Variants in RAD51B observed in about 807,000 individuals in gnomAD.
The protein encoded by RAD51B is DNA repair protein RAD51 homolog 2.
In RAD51B, 38 loss-of-function variants were observed where a neutral mutation model predicts 42.2. The observed-to-expected ratio is 0.90, with a 90% CI of 0.70 to 1.18. RAD51B has a LOEUF of 1.18. RAD51B is among the 50% of genes most tolerant of loss of function. The pLI is 0.00. For missense variants in RAD51B, 373 were observed against 400.7 expected, an observed-to-expected ratio of 0.93 and a Z score of 0.59; for synonymous variants, 154 against 145.2, an observed-to-expected ratio of 1.06 and a Z score of -0.43.
At chr14:68,638,403 G>A (rs1892383955) in intron 10 of RAD51B, among the ~76,000 whole-genome samples, 1 of 152,138 alleles carries the variant, frequency 6.6e-6, no homozygotes, top group Admixed American at 6.5e-5. Flanking sequence ...TTCCAAGCAA[G>A]CTCCAAGACC....
intron 11 of RAD51B, among the ~76,000 whole-genome samples, chr14:68,669,004 G>C (rs990935836): frequency 4.6e-5 from 7 of 152,228 alleles, no homozygotes; most frequent in Non-Finnish European, 1.0e-4. Context: ...TTCTATTTTA[G>C]TTGAAGTTGA....
chr14:68,276,284 A>C (rs2081222961), intron 7 of RAD51B, among the ~76,000 whole-genome samples: 1 of 152,158 alleles, frequency 6.6e-6, no homozygotes, highest in Admixed American at 6.5e-5. Flanking sequence ...TTCAAGGCCC[A>C]GATCAAATGA....
intron 8 of RAD51B, among the ~76,000 whole-genome samples, chr14:68,342,931 A>C (rs2082600656): frequency 1.3e-5 from 2 of 150,184 alleles, no homozygotes; most frequent in South Asian, 4.2e-4. Flanking sequence ...TCCTGGAGTT[A>C]CCTGCTCCTT....
chr14:68,344,102 C>G (rs1402978756), intron 8 of RAD51B, among the ~76,000 whole-genome samples: 3 of 152,226 alleles, frequency 2.0e-5, no homozygotes, highest in Non-Finnish European at 4.4e-5. Flanking sequence ...AAGCCCCCCA[C>G]ATAGAGTCCT....
chr14:67,995,392 C>A (rs73284210), intron 7 of RAD51B, among the ~76,000 whole-genome samples: 16,141 of 151,336 alleles, frequency 0.11, 2,421 homozygotes, highest in African/African-American at 0.34. Context: ...TCAAAAACAA[C>A]AACAACAACA....
At chr14:67,867,870 G>A (rs560816033) in intron 5 of RAD51B, among the ~76,000 whole-genome samples, 7 of 152,258 alleles carry the variant, frequency 4.6e-5, no homozygotes, top group East Asian at 3.9e-4. Flanking sequence ...AAAGCTAGCC[G>A]GCTAACCAGC....
chr14:68,591,253 G>C (rs1344860523), intron 10 of RAD51B, among the ~76,000 whole-genome samples: 1 of 152,192 alleles, frequency 6.6e-6, no homozygotes, highest in African/African-American at 2.4e-5. Context: ...GCTGGAAGAA[G>C]TCCCAGAAGT....
intron 10 of RAD51B, among the ~76,000 whole-genome samples, chr14:68,522,630 G>A (rs1266230644): frequency 6.6e-6 from 1 of 152,176 alleles, no homozygotes; most frequent in Non-Finnish European, 1.5e-5. Flanking sequence ...TTCCAGTTAG[G>A]AAAGCTGAAA....
intron 10 of RAD51B, among the ~76,000 whole-genome samples, chr14:68,500,933 A>T (rs1884874989): frequency 6.6e-6 from 1 of 151,964 alleles, no homozygotes. Flanking sequence ...CCTGGGGCAA[A>T]CTCAGTTTCT....
chr14:68,186,690 G>T (rs1333700613), intron 7 of RAD51B, among the ~76,000 whole-genome samples: 1 of 152,116 alleles, frequency 6.6e-6, no homozygotes, highest in Non-Finnish European at 1.5e-5. Flanking sequence ...AGTCAGAATG[G>T]CTGCTATTAA....
At chr14:68,642,014 T>C (rs1298332510) in intron 10 of RAD51B, among the ~76,000 whole-genome samples, 1 of 152,226 alleles carries the variant, frequency 6.6e-6, no homozygotes, top group Non-Finnish European at 1.5e-5. Flanking sequence ...TAATATTTTG[T>C]TGAGGATTTT....
At chr14:68,527,340 G>A (rs1351533285) in intron 10 of RAD51B, among the ~76,000 whole-genome samples, 1 of 152,234 alleles carries the variant, frequency 6.6e-6, no homozygotes, top group Non-Finnish European at 1.5e-5. Context: ...TTGACCTCTG[G>A]GATGTGGGGG....
intron 7 of RAD51B, among the ~76,000 whole-genome samples, chr14:67,932,072 C>T (rs540097102): frequency 2.6e-5 from 4 of 152,260 alleles, no homozygotes; most frequent in Non-Finnish European, 5.9e-5. Context: ...TTGAACATGT[C>T]ACCCAGGAAG....
At chr14:68,343,128 A>G (rs1042916530) in intron 8 of RAD51B, among the ~76,000 whole-genome samples, 1 of 148,940 alleles carries the variant, frequency 6.7e-6, no homozygotes, top group African/African-American at 2.4e-5. Context: ...CCAAATACTT[A>G]CCAGTTTTGT....
At chr14:68,608,928 G>T (rs1422314923) in intron 10 of RAD51B, among the ~76,000 whole-genome samples, 1 of 152,076 alleles carries the variant, frequency 6.6e-6, no homozygotes, top group Non-Finnish European at 1.5e-5. Flanking sequence ...CTCCTCCGGG[G>T]CCCCCACTTC....
Position 68,537,227 on chromosome 14 carries a change from A to G in RAD51B, c.1037-57258A>G, listed in dbSNP as rs147891436. Reference sequence around the variant, plus strand: ...TTAAAAAGGAACCATGGCCAGTCGCAGTGGCTCACGCCTGTAATCCCAGCA... The same window carrying G: ...TTAAAAAGGAACCATGGCCAGTCGCGGTGGCTCACGCCTGTAATCCCAGCA... On this transcript the variant is annotated intron_variant, in intron 10 of 10. Transcript: ENST00000487270. Among the ~76,000 whole-genome samples, 1,028 of 152,112 alleles carry G rather than the reference A, an allele frequency of 6.8e-3. 12 individuals are homozygous for G. The highest frequency in any genetic ancestry group is 0.022 in the African/African-American group (895 of 41,476).
At chr14:68,388,330 T>C (rs2083654175) in intron 8 of RAD51B, among the ~76,000 whole-genome samples, 1 of 152,000 alleles carries the variant, frequency 6.6e-6, no homozygotes, top group African/African-American at 2.4e-5. Context: ...ACTCCTGACC[T>C]CAAGTGATCT....
intron 7 of RAD51B, among the ~76,000 whole-genome samples, chr14:67,893,538 C>G (rs1481347156): frequency 1.4e-5 from 2 of 147,018 alleles, no homozygotes; most frequent in African/African-American, 2.5e-5. Flanking sequence ...GGGTGTGGTG[C>G]TACACACCTG....
chr14:68,321,259 G>A (rs918427332), intron 8 of RAD51B, among the ~76,000 whole-genome samples: 1 of 152,092 alleles, frequency 6.6e-6, no homozygotes, highest in Non-Finnish European at 1.5e-5. Context: ...AAGTAATCTT[G>A]CTCCGTACTG....
Sources: gnomAD v4.1 joint callset for allele counts (sites outside exome capture counted in the v4.1 genomes callset) on GRCh38, gnomAD v4.1.1 for gene constraint, MANE v1.5 for transcripts, NCBI Gene and HGNC (gene_info 2026-07-23, HGNC 2026-07-21) for gene names.